Variants in SPATA13 observed in about 807,000 individuals in gnomAD.
SPATA13 encodes spermatogenesis-associated protein 13.
SPATA13 carries 50 observed loss-of-function variants against 104.0 expected under a neutral mutation model. The ratio of observed to expected loss-of-function variants is 0.48; its 90% CI spans 0.38 to 0.61. SPATA13 has a LOEUF of 0.61. SPATA13 is among the 20% of genes least tolerant of loss of function. SPATA13 has a pLI of 0.00. For synonymous variants in SPATA13, 606 were observed against 667.5 expected (o/e 0.91, Z 1.42); for missense variants, 1,524 against 1,690.6 (o/e 0.90, Z 1.73).
intron 3 of SPATA13, among the ~76,000 whole-genome samples, chr13:24,071,535 C>T (rs1046402136): frequency 5.3e-5 from 8 of 152,200 alleles, no homozygotes; most frequent in Admixed American, 4.6e-4. Context: ...TCCTCAATCG[C>T]TTCTGTCTGG....
chr13:24,026,790 G>A (rs1261878485), intron 3 of SPATA13, among the ~76,000 whole-genome samples: 1 of 151,910 alleles, frequency 6.6e-6, no homozygotes, highest in Non-Finnish European at 1.5e-5. Context: ...TGTTAGCCAG[G>A]ATGGTCTGGA....
chr13:24,065,696 A>G (rs148386544), intron 3 of SPATA13, among the ~76,000 whole-genome samples: 1 of 152,242 alleles, frequency 6.6e-6, no homozygotes, highest in East Asian at 1.9e-4. Flanking sequence ...CTAGAATCAC[A>G]TGGTATTGTA....
intron 1 of SPATA13, among the ~76,000 whole-genome samples, chr13:24,186,117 C>T (rs1313680986): frequency 1.3e-5 from 2 of 152,086 alleles, no homozygotes; most frequent in African/African-American, 4.8e-5. Context: ...GGTGTTTGGC[C>T]AAATAACTGG....
intron 3 of SPATA13, among the ~76,000 whole-genome samples, chr13:24,086,156 CAT>C (rs1387047597): frequency 2.0e-5 from 3 of 152,188 alleles, no homozygotes; most frequent in African/African-American, 7.2e-5. Context: ...GAAGGCAAGA[CAT>C]AGCACCATCA....
intron 2 of SPATA13, among the ~76,000 whole-genome samples, chr13:23,986,840 A>C (rs2137653268): frequency 6.6e-6 from 1 of 152,306 alleles, no homozygotes; most frequent in East Asian, 1.9e-4. Context: ...ATTCCATCTC[A>C]GACCCAGATG....
At chr13:24,245,915 G>A (rs895770183) in intron 2 of SPATA13, among the ~76,000 whole-genome samples, 7 of 152,064 alleles carry the variant, frequency 4.6e-5, no homozygotes, top group African/African-American at 1.7e-4. Context: ...GTGCTCTACT[G>A]TGCTGACTCT....
intron 1 of SPATA13, among the ~76,000 whole-genome samples, chr13:24,170,470 G>T (rs567020490): frequency 5.7e-4 from 87 of 152,256 alleles, no homozygotes; most frequent in African/African-American, 2.0e-3. Context: ...TCTGGGATGA[G>T]GAATCTCTAA....
chr13:24,277,216 G>A (rs533083765), intron 4 of SPATA13, among the ~76,000 whole-genome samples: 28 of 152,136 alleles, frequency 1.8e-4, no homozygotes, highest in South Asian at 1.7e-3. Flanking sequence ...AGGCCGAGGC[G>A]GGCGGATCAC....
intron 4 of SPATA13, among the ~76,000 whole-genome samples, chr13:24,265,289 G>A (rs1364626048): frequency 6.6e-6 from 1 of 152,188 alleles, no homozygotes; most frequent in African/African-American, 2.4e-5. Flanking sequence ...TCATCAGTTT[G>A]TGCTAGGACA....
At chr13:23,992,835 C>T (rs924147159) in intron 2 of SPATA13, among the ~76,000 whole-genome samples, 3 of 152,148 alleles carry the variant, frequency 2.0e-5, no homozygotes, top group Non-Finnish European at 4.4e-5. Context: ...CTAGACTGTC[C>T]GAAATAGATG....
chr13:24,066,384 G>A lies in SPATA13; in HGVS notation c.-112+48683G>A, dbSNP rs75819530. Among the ~76,000 whole-genome samples the A allele has an allele frequency of 2.9e-3, 435 of 152,304 alleles. 14 individuals carry two copies. The East Asian group carries it at 0.062, about 22-fold the overall frequency. ...TTGCAGATGGGGAAACTGAGACTCAGAGTTTAAAGGATTTGCCCAAAGTCA... is the reference window on the plus strand; with the variant it reads ...TTGCAGATGGGGAAACTGAGACTCAAAGTTTAAAGGATTTGCCCAAAGTCA... On this transcript the variant is annotated intron_variant, in intron 3 of 14. Coordinates refer to the SPATA13 transcript ENST00000424834.
At chr13:24,234,478 A>G (rs376944515) in intron 2 of SPATA13, among the ~76,000 whole-genome samples, 7 of 152,204 alleles carry the variant, frequency 4.6e-5, no homozygotes, top group African/African-American at 1.4e-4. Context: ...AAGGCCACCC[A>G]GGGTGGAATT....
intron 3 of SPATA13, among the ~76,000 whole-genome samples, chr13:24,126,551 G>C (rs1241029464): frequency 6.6e-6 from 1 of 152,138 alleles, no homozygotes; most frequent in African/African-American, 2.4e-5. Flanking sequence ...GTGTGTGAGA[G>C]AGAGAGACAG....
chr13:23,985,914 G>A (rs1186858150), intron 2 of SPATA13, among the ~76,000 whole-genome samples: 1 of 152,166 alleles, frequency 6.6e-6, no homozygotes, highest in Non-Finnish European at 1.5e-5. Flanking sequence ...ACACAGGGAC[G>A]AGGAAGCCAG....
intron 3 of SPATA13, among the ~76,000 whole-genome samples, chr13:24,154,057 G>A (rs1383033848): frequency 6.6e-6 from 1 of 152,144 alleles, no homozygotes; most frequent in Non-Finnish European, 1.5e-5. Flanking sequence ...CCAAGTTTTA[G>A]TGAAGGTGGG....
In SPATA13 at chr13:24,224,241, G is replaced by A; in HGVS notation, c.1312G>A (p.Asp438Asn). The change falls in exon 2 of 13, where the codon GAT becomes AAT. Residue 438 changes from aspartate (D) to asparagine (N), a missense_variant. Physicochemically the swap from Asp to Asn is conservative, Grantham distance 23. Around this residue, in one of 2 missense-constraint regions of SPATA13, gnomAD observed 1,089 missense variants for 1,135.9 expected, o/e 0.96. Coordinates refer to ENST00000382108, the MANE Select transcript of SPATA13 (RefSeq NM_001166271.3). ...CTCTTTGCCAAGCCCGATTGTCCAG[G>A]ATGTGTTGAGCAAAGACTCCTGTGA... ...CSSLPSPIVQ[D>N]VLSKDSCDPN... is the part of the protein sequence containing the mutation. 1 of 1,551,740 alleles carries A rather than the reference G, an allele frequency of 6.4e-7. No homozygotes were observed. The highest frequency in any genetic ancestry group is 1.2e-5 in the South Asian group (1 of 84,064).
intron 4 of SPATA13, among the ~76,000 whole-genome samples, chr13:24,281,253 C>A (rs1250852796): frequency 2.0e-5 from 3 of 152,252 alleles, no homozygotes; most frequent in Admixed American, 1.3e-4. Flanking sequence ...CCCTCCAACC[C>A]CGTCTCTTGG....
chr13:23,987,508 T>C (rs1875208565), intron 2 of SPATA13, among the ~76,000 whole-genome samples: 1 of 152,220 alleles, frequency 6.6e-6, no homozygotes. Context: ...CTTGTTTATA[T>C]TTAGCCAACA....
chr13:24,024,932 T>A (rs1174842292), intron 3 of SPATA13, among the ~76,000 whole-genome samples: 1 of 146,680 alleles, frequency 6.8e-6, no homozygotes, highest in Non-Finnish European at 1.5e-5. Flanking sequence ...ACATTCAAAT[T>A]CATATATATA....
Sources: allele counts gnomAD v4.1 joint callset (sites outside exome capture counted in the v4.1 genomes callset), GRCh38; gene constraint gnomAD v4.1.1; regional missense constraint gnomAD v4.1.1; transcripts MANE v1.5; gene names NCBI Gene and HGNC (gene_info 2026-07-23, HGNC 2026-07-21).